The following CDC5L variants were observed in gnomAD, a reference collection of about 807,000 sequenced individuals.
CDC5L encodes cell division cycle 5-like protein.
CDC5L carries 18 observed loss-of-function variants against 104.1 expected under a neutral mutation model. That is an observed-to-expected ratio of 0.17 (90% CI 0.12 to 0.26). The LOEUF is 0.26. Among genes scored for constraint, CDC5L ranks in the 10% least tolerant of loss-of-function variants. The pLI is 1.00. For synonymous variants in CDC5L, 331 were observed against 322.7 expected, an observed-to-expected ratio of 1.03 and a Z score of -0.28; for missense variants, 673 against 956.9, an observed-to-expected ratio of 0.70 and a Z score of 3.91.
At chr6:44,426,765 G>A in intron 13 of CDC5L, 41 bp downstream of exon 13, 2 of 1,595,426 alleles carry the variant, frequency 1.3e-6, no homozygotes, top group Non-Finnish European at 1.7e-6. Flanking sequence ...GATTTAGGTA[G>A]TTGTTAGGTG....
intron 14 of CDC5L, among the ~76,000 whole-genome samples, chr6:44,438,909 G>A (rs1793059416): frequency 6.6e-6 from 1 of 151,920 alleles, no homozygotes; most frequent in African/African-American, 2.4e-5. Flanking sequence ...AATTTAAAGT[G>A]TATAGTTCAG....
intron 2 of CDC5L, among the ~76,000 whole-genome samples, chr6:44,391,072 A>C (rs1372480394): frequency 1.9e-5 from 2 of 105,634 alleles, no homozygotes; most frequent in East Asian, 9.9e-4. Context: ...TTAATATGTT[A>C]TATATTATAT....
At chr6:44,427,695 G>A (rs1792490669) in intron 13 of CDC5L, among the ~76,000 whole-genome samples, 2 of 152,182 alleles carry the variant, frequency 1.3e-5, no homozygotes, top group African/African-American at 2.4e-5. Flanking sequence ...AGTAAGTGCA[G>A]TAGGGAAACT....
chr6:44,431,159 C>T (rs536533838), intron 14 of CDC5L, among the ~76,000 whole-genome samples: 16 of 152,250 alleles, frequency 1.1e-4, no homozygotes, highest in African/African-American at 2.6e-4. Flanking sequence ...TTAATTTAAC[C>T]ATTAAGATCA....
At chr6:44,407,351 G>A (rs985056859) in intron 7 of CDC5L, among the ~76,000 whole-genome samples, 1 of 148,858 alleles carries the variant, frequency 6.7e-6, no homozygotes, top group Non-Finnish European at 1.5e-5. Flanking sequence ...TTTTTGAGAC[G>A]GAGTCTTGCT....
chr6:44,428,319 A>G (rs994102899), intron 13 of CDC5L, among the ~76,000 whole-genome samples: 3 of 151,884 alleles, frequency 2.0e-5, no homozygotes, highest in Non-Finnish European at 4.4e-5. Context: ...TTTTGTTAAA[A>G]TTTTTTGTTT....
Position 44,423,465 on chromosome 6 carries a change from C to T in CDC5L, c.1404+656C>T, listed in dbSNP as rs956199954. On this transcript the variant is annotated intron_variant, in intron 10 of 15. Transcript: ENST00000371477. The stretch of plus-strand genomic sequence containing the variant: ...ACTAAACTAAGTCCAAAAATAATTG[C>T]AATATCAGAACAGAATAAGCCCTTT... Among the ~76,000 whole-genome samples the T allele has an allele frequency of 3.3e-5, 5 of 152,190 alleles. No homozygotes were observed. The East Asian group carries it at 7.7e-4, about 24-fold the overall frequency.
chr6:44,389,891 T>C (rs942676620), intron 1 of CDC5L, among the ~76,000 whole-genome samples: 2 of 152,206 alleles, frequency 1.3e-5, no homozygotes, highest in African/African-American at 4.8e-5. Context: ...GAATGAGTTA[T>C]ACATTTTTGT....
chr6:44,422,879 T>G (rs1455837238), intron 10 of CDC5L, 70 bp downstream of exon 10: 1 of 1,079,174 alleles, frequency 9.3e-7, no homozygotes, highest in Non-Finnish European at 1.4e-6. Context: ...AATTAAAATT[T>G]CTCCTGTTAG....
intron 14 of CDC5L, among the ~76,000 whole-genome samples, chr6:44,437,175 G>A (rs1792977091): frequency 6.6e-6 from 1 of 152,116 alleles, no homozygotes; most frequent in Non-Finnish European, 1.5e-5. Flanking sequence ...TGGGTGTTGG[G>A]AGGAGCTGGG....
intron 5 of CDC5L, 34 bp from the exon 6 acceptor site, chr6:44,403,775 T>C (rs1791241709): frequency 6.9e-7 from 1 of 1,442,880 alleles, no homozygotes; most frequent in Non-Finnish European, 9.6e-7. Context: ...TCACATGGCA[T>C]ATGATTTTCA....
intron 8 of CDC5L, among the ~76,000 whole-genome samples, chr6:44,409,514 C>T (rs1005968557): frequency 2.0e-5 from 3 of 152,138 alleles, no homozygotes; most frequent in Non-Finnish European, 2.9e-5. Flanking sequence ...ATGTAATATT[C>T]GTACATATAG....
intron 14 of CDC5L, among the ~76,000 whole-genome samples, chr6:44,432,897 T>TA (rs1024497067): frequency 6.6e-6 from 1 of 152,152 alleles, no homozygotes; most frequent in Non-Finnish European, 1.5e-5. Flanking sequence ...AAGGAAAAGT[T>TA]ATGAGAGCAT....
chr6:44,434,959 C>T (rs897207255), intron 14 of CDC5L, among the ~76,000 whole-genome samples: 4 of 152,006 alleles, frequency 2.6e-5, no homozygotes, highest in African/African-American at 4.8e-5. Context: ...CATTTCTAGG[C>T]GTCTTTCTAT....
chr6:44,389,552 ATGGCAATGGGTGCCC>A (rs746833820), intron 1 of CDC5L, among the ~76,000 whole-genome samples: 105 of 152,168 alleles, frequency 6.9e-4, no homozygotes, highest in Non-Finnish European at 1.3e-3. Flanking sequence ...TGCATTCCAC[ATGGCAATGGGTGCCC>A]TGGTGAAATG....
At chr6:44,403,191 T>C (rs1208151974) in intron 5 of CDC5L, among the ~76,000 whole-genome samples, 4 of 152,208 alleles carry the variant, frequency 2.6e-5, no homozygotes, top group African/African-American at 9.6e-5. Context: ...ATGGTGTTAA[T>C]TAGATATGCA....
At chr6:44,394,605 C>T (rs559075362) in intron 4 of CDC5L, among the ~76,000 whole-genome samples, 4 of 152,006 alleles carry the variant, frequency 2.6e-5, no homozygotes, top group Admixed American at 6.5e-5. Flanking sequence ...CCTGTAATCC[C>T]AGCACGTTGG....
rs1467230033 is a variant in CDC5L at position 44,447,378 on chromosome 6, T to G, written c.*667T>G. Reference sequence around the variant, plus strand: ...ACTTCCTTGCCCCATTATTTTCTTATAAGTATTTTTTGACAAAGGCATTTT... The same window carrying G: ...ACTTCCTTGCCCCATTATTTTCTTAGAAGTATTTTTTGACAAAGGCATTTT... On this transcript the variant is annotated 3_prime_UTR_variant, in exon 16 of 16. Transcript: ENST00000371477. The G allele has an allele frequency of 6.6e-5, 10 of 152,200 alleles. No homozygotes were observed. The highest frequency in any genetic ancestry group is 6.5e-4 in the Admixed American group (10 of 15,282). 9.4% of individuals were successfully genotyped at this position (152,200 alleles called of 1,614,324 possible). A position where few individuals can be genotyped will look rare whatever the true frequency, so the allele number is the denominator to read the frequency against.
intron 5 of CDC5L, among the ~76,000 whole-genome samples, chr6:44,399,825 T>G (rs1791038184): frequency 2.6e-5 from 4 of 152,092 alleles, no homozygotes; most frequent in Admixed American, 2.6e-4. Flanking sequence ...GGCTAATTTT[T>G]TGTATTTTTA....
Sources: allele counts gnomAD v4.1 joint callset (sites outside exome capture counted in the v4.1 genomes callset), GRCh38; gene constraint gnomAD v4.1.1; transcripts MANE v1.5; gene names NCBI Gene and HGNC (gene_info 2026-07-23, HGNC 2026-07-21).